DMD: variants seen among roughly 807,000 people sequenced by gnomAD.
DMD encodes mutant dystrophin.
In DMD, 63 loss-of-function variants were observed where a neutral mutation model predicts 330.1. The ratio of observed to expected loss-of-function variants is 0.19; its 90% CI spans 0.16 to 0.24. DMD has a LOEUF of 0.24. Ranked by LOEUF, DMD falls within the 10% of genes least tolerant of loss-of-function variation. The pLI is 1.00. For missense variants in DMD, 3,344 were observed against 2,684.1 expected, an observed-to-expected ratio of 1.25 and a Z score of -5.43; for synonymous variants, 1,223 against 959.8, an observed-to-expected ratio of 1.27 and a Z score of -5.07.
chrX:31,335,662 T>C (rs1011192012), intron 61 of DMD, among the ~76,000 whole-genome samples: 2 of 112,243 alleles, frequency 1.8e-5, no homozygotes, highest in Non-Finnish European at 3.8e-5. Flanking sequence ...AATCACTACT[T>C]ATCCTGAACA....
At chrX:32,143,135 C>T (rs993907554) in intron 44 of DMD, among the ~76,000 whole-genome samples, 6 of 110,251 alleles carry the variant, frequency 5.4e-5, no homozygotes, top group East Asian at 5.6e-4. Context: ...GTTCTGTCCT[C>T]AGCACCCACC....
intron 57 of DMD, among the ~76,000 whole-genome samples, chrX:31,495,421 C>G (rs1329305022): frequency 9.0e-6 from 1 of 111,278 alleles, no homozygotes; most frequent in East Asian, 2.8e-4. Flanking sequence ...AAACACTTAT[C>G]AGTATCCACT....
At chrX:31,182,400 A>G (rs757421763) in intron 68 of DMD, among the ~76,000 whole-genome samples, 2 of 112,206 alleles carry the variant, frequency 1.8e-5, no homozygotes, top group Non-Finnish European at 3.8e-5. Context: ...AAAAGGAAAG[A>G]TGGTAAAAAT....
At chrX:32,048,613 T>A (rs2096081340) in intron 44 of DMD, among the ~76,000 whole-genome samples, 1 of 110,630 alleles carries the variant, frequency 9.0e-6, no homozygotes, top group Non-Finnish European at 1.9e-5. Context: ...TTTACCCTGA[T>A]GATTTTTTTC....
At chrX:32,973,497 G>C (rs139590169) in intron 2 of DMD, among the ~76,000 whole-genome samples, 1 of 111,771 alleles carries the variant, frequency 8.9e-6, no homozygotes, top group South Asian at 3.7e-4. Context: ...CTAGAACAGC[G>C]TTTGCTTGGA....
rs2078440414 is a variant in DMD, at chrX:32,823,406, A to T, written c.265-19T>A. On this transcript the variant is annotated intron_variant, in intron 4 of 78. Coordinates refer to ENST00000357033, the MANE Select transcript of DMD (RefSeq NM_004006.3). ...AATCAACCTGTTAAAGAAAGGGGTA[A>T]AACATTTGAAGGTAAGAGACCAAAT... The T allele has an allele frequency of 9.1e-7, 1 of 1,103,220 alleles. No individual in the cohort carries two copies. Among genetic ancestry groups the T allele is most frequent in the South Asian group, 1.8e-5 (1 of 54,274 alleles). 90.9% of individuals were successfully genotyped at this position (1,103,220 alleles called of 1,213,427 possible). A position where few individuals can be genotyped will look rare whatever the true frequency, so the allele number is the denominator to read the frequency against.
chrX:32,823,860 G>C (rs1202965241), intron 4 of DMD, among the ~76,000 whole-genome samples: 1 of 111,144 alleles, frequency 9.0e-6, no homozygotes, highest in African/African-American at 3.3e-5. Flanking sequence ...TCTCTGTCTA[G>C]GACTGTGTTT....
chrX:32,229,726 A>ATATATATAT (rs1569552140), intron 43 of DMD, among the ~76,000 whole-genome samples: 21 of 81,543 alleles, frequency 2.6e-4, no homozygotes, highest in South Asian at 6.5e-4. Context: ...ATATATATAT[A>ATATATATAT]AAATCAAAGA....
chrX:32,407,889 C>G (rs1423643479), intron 30 of DMD, among the ~76,000 whole-genome samples: 9 of 101,177 alleles, frequency 8.9e-5, no homozygotes, highest in African/African-American at 3.3e-4. Flanking sequence ...AACCAAACAC[C>G]GCATGTTCTC....
At position 32,521,463 on chromosome X, in the gene DMD, T is replaced by A. The variant is rs1034209400; in HGVS notation, c.2169-3332A>T. ...CTCCACCCTATCATTATGTACTAGATGTCAAGACCTAGTTCATTACCAATC... is the reference window on the plus strand; with the variant it reads ...CTCCACCCTATCATTATGTACTAGAAGTCAAGACCTAGTTCATTACCAATC... On this transcript the variant is annotated intron_variant, in intron 17 of 78. Coordinates refer to ENST00000357033, the MANE Select transcript of DMD (RefSeq NM_004006.3). Among the ~76,000 whole-genome samples, 7 of 103,799 alleles carry A rather than the reference T, an allele frequency of 6.7e-5. No individual in the cohort carries two copies. In the East Asian group the frequency reaches 2.1e-3, roughly 31 times the overall value. 90.1% of individuals were successfully genotyped at this position (103,799 alleles called of 115,157 possible).
chrX:31,673,712 T>A (rs1359200385), intron 53 of DMD, among the ~76,000 whole-genome samples: 1 of 112,169 alleles, frequency 8.9e-6, no homozygotes, highest in Non-Finnish European at 1.9e-5. Flanking sequence ...AAGCACGGGA[T>A]AAGTTAAATT....
At chrX:32,669,980 G>A (rs181673915) in intron 9 of DMD, among the ~76,000 whole-genome samples, 20 of 111,312 alleles carry the variant, frequency 1.8e-4, no homozygotes, top group South Asian at 3.8e-4. Flanking sequence ...CTGACGATTC[G>A]TGCTTCTTTC....
At chrX:33,190,015 T>C (rs1404209198) in intron 1 of DMD, among the ~76,000 whole-genome samples, 2 of 111,648 alleles carry the variant, frequency 1.8e-5, no homozygotes, top group Non-Finnish European at 3.8e-5. Context: ...TTATTTCAGC[T>C]AACAAAGAAT....
At chrX:32,426,996 A>G (rs2098215864) in intron 29 of DMD, among the ~76,000 whole-genome samples, 1 of 111,183 alleles carries the variant, frequency 9.0e-6, no homozygotes, top group Non-Finnish European at 1.9e-5. Context: ...AAAAATACCT[A>G]TCAGGTAGTA....
chrX:31,465,548 T>G (rs1184453061), intron 59 of DMD, among the ~76,000 whole-genome samples: 3 of 106,731 alleles, frequency 2.8e-5, no homozygotes, highest in Admixed American at 1.0e-4. Context: ...TCCTTTCTTA[T>G]GGCTGCATAG....
chrX:32,741,674 A>C (rs890149016), intron 7 of DMD, among the ~76,000 whole-genome samples: 15 of 111,943 alleles, frequency 1.3e-4, no homozygotes, highest in Non-Finnish European at 2.8e-4. Context: ...GTGTTTGTAC[A>C]AATGTGCATG....
chrX:32,463,180 G>T (rs1329700031), intron 25 of DMD, among the ~76,000 whole-genome samples: 1 of 111,378 alleles, frequency 9.0e-6, no homozygotes, highest in African/African-American at 3.3e-5. Context: ...ACTAAGAATA[G>T]GATTTCATTT....
chrX:32,782,236 A>G (rs2074842057), intron 7 of DMD, among the ~76,000 whole-genome samples: 1 of 111,951 alleles, frequency 8.9e-6, no homozygotes, highest in Non-Finnish European at 1.9e-5. Context: ...AATCACTAGA[A>G]TATCAAAAAA....
At chrX:32,885,827 G>GGGGAA (rs1557115361) in intron 2 of DMD, among the ~76,000 whole-genome samples, 1 of 64,936 alleles carries the variant, frequency 1.5e-5, no homozygotes, top group African/African-American at 5.7e-5. Context: ...CCTTGAGGGG[G>GGGGAA]AAAAAAAAAA....
Sources: allele counts gnomAD v4.1 joint callset (sites outside exome capture counted in the v4.1 genomes callset), GRCh38; gene constraint gnomAD v4.1.1; transcripts MANE v1.5; gene names NCBI Gene and HGNC (gene_info 2026-07-23, HGNC 2026-07-21).